Variants in DTNB observed in about 807,000 individuals in gnomAD.
DTNB encodes dystrobrevin beta.
In DTNB, 63 loss-of-function variants were observed where a neutral mutation model predicts 90.7. The ratio of observed to expected loss-of-function variants is 0.69; its 90% CI spans 0.57 to 0.86. The LOEUF (loss-of-function observed/expected upper bound fraction) is 0.86. Ranked by LOEUF, DTNB falls within the 40% of genes least tolerant of loss-of-function variation. The pLI, the probability that DTNB is intolerant of heterozygous loss-of-function variation, is 0.00. For synonymous variants in DTNB, 277 were observed against 286.7 expected, an observed-to-expected ratio of 0.97 and a Z score of 0.34; for missense variants, 744 against 807.1, an observed-to-expected ratio of 0.92 and a Z score of 0.95.
Position 25,388,132 on chromosome 2 carries a change from C to CT in DTNB, c.1735+69dup, listed in dbSNP as rs924827923. Reference sequence around the variant, plus strand: ...AGCACAAAACAGAAATGGAAAAAACCTCAGCAGGAATCTTGTCCGTGTTTG... The same window carrying CT: ...AGCACAAAACAGAAATGGAAAAAACCTTCAGCAGGAATCTTGTCCGTGTTTG... On this transcript the variant is annotated intron_variant, in intron 17 of 20. Coordinates refer to ENST00000406818, the MANE Select transcript of DTNB (RefSeq NM_021907.5). 3 of 1,532,456 alleles carry CT rather than the reference C, an allele frequency of 2.0e-6. No homozygotes were observed. In the Admixed American group the frequency reaches 6.0e-5, roughly 31 times the overall value. The allele number at this position is 1,532,456 out of a possible 1,614,324, so 94.9% of individuals were successfully genotyped here.
intron 16 of DTNB, among the ~76,000 whole-genome samples, chr2:25,400,952 C>A (rs767984119): frequency 1.3e-4 from 20 of 152,166 alleles, no homozygotes; most frequent in Non-Finnish European, 2.8e-4. Flanking sequence ...CCCTGAGAAC[C>A]CGAGAAAGCT....
chr2:25,425,285 A>G (rs769146357), intron 15 of DTNB, among the ~76,000 whole-genome samples: 14 of 152,152 alleles, frequency 9.2e-5, no homozygotes, highest in Non-Finnish European at 1.8e-4. Context: ...GGGGGAAAAA[A>G]CAACAACCAC....
At chr2:25,609,321 G>A (rs77328893) in intron 4 of DTNB, among the ~76,000 whole-genome samples, 56 of 152,258 alleles carry the variant, frequency 3.7e-4, no homozygotes, top group Middle Eastern at 3.4e-3. Flanking sequence ...CTGATGGGCC[G>A]GGTACAGTGG....
rs1260950597 is a variant in DTNB at position 25,628,191 on chromosome 2, A to G, written c.342T>C (p.Phe114=). The change falls in exon 4 of 21, where the codon TTT becomes TTC. Residue 114 remains phenylalanine, a synonymous_variant. Transcript: ENST00000406818. The stretch of plus-strand genomic sequence containing the variant: ...CTAGCCTGTCATATGCAGCAATCAT[A>G]AAGTTGAGGAGGAGGCTGATAGATT... ...VEQSISLLLN[F]MIAAYDSEGR... The G allele has an allele frequency of 1.9e-6, 3 of 1,613,956 alleles. No homozygotes were observed. Among genetic ancestry groups the G allele is most frequent in the East Asian group, 2.2e-5 (1 of 44,880 alleles).
chr2:25,628,173 G>C lies in DTNB; in HGVS notation c.360C>G (p.Asp120Glu), dbSNP rs760339710. 2 of 1,613,634 alleles carry C rather than the reference G, an allele frequency of 1.2e-6. No homozygotes were observed. Among genetic ancestry groups the C allele is most frequent in the Admixed American group, 3.3e-5 (2 of 59,994 alleles). The change falls in exon 4 of 21, where the codon GAC becomes GAG. Residue 120 changes from aspartate (D) to glutamate (E), a missense_variant and splice_region_variant. Asp to Glu is a conservative substitution (Grantham distance 45). Coordinates refer to ENST00000406818, the MANE Select transcript of DTNB (RefSeq NM_021907.5). ...GTGTAAGGTAAGGTACTACTAGCCT[G>C]TCATATGCAGCAATCATAAAGTTGA... is the stretch of plus-strand genomic sequence containing the variant. Reference protein sequence around the residue: ...LLLNFMIAAYDSEGRGKLTVF... With the variant: ...LLLNFMIAAYESEGRGKLTVF...
intron 8 of DTNB, among the ~76,000 whole-genome samples, chr2:25,540,376 A>C (rs1294978133): frequency 6.6e-6 from 1 of 152,188 alleles, no homozygotes; most frequent in African/African-American, 2.4e-5. Flanking sequence ...TCTTATTCCT[A>C]GTTATTTTAT....
chr2:25,495,403 A>G (rs1433477408), intron 9 of DTNB, among the ~76,000 whole-genome samples: 1 of 152,178 alleles, frequency 6.6e-6, no homozygotes, highest in Non-Finnish European at 1.5e-5. Context: ...CTCTTCAAAA[A>G]TTTGTGGTTA....
At position 25,424,937 on chromosome 2, in the gene DTNB, C is replaced by T. The variant is rs747019360; in HGVS notation, c.1554+2598G>A. Among the ~76,000 whole-genome samples, 3 of 152,166 alleles carry T rather than the reference C, an allele frequency of 2.0e-5. No individual in the cohort carries two copies. Among genetic ancestry groups the T allele is most frequent in the Admixed American group, 1.3e-4 (2 of 15,278 alleles). ...TTGGCCTCCCAAAGTGCTGGTATTACAGGTGTTAGCCACTGCGCCCGACTG... is the reference window on the plus strand; with the variant it reads ...TTGGCCTCCCAAAGTGCTGGTATTATAGGTGTTAGCCACTGCGCCCGACTG... On this transcript the variant is annotated intron_variant, in intron 15 of 20. Coordinates refer to ENST00000406818, the MANE Select transcript of DTNB (RefSeq NM_021907.5). The surrounding 1 kb of genome is among the most constrained non-coding windows in gnomAD (Gnocchi z 4.1).
chr2:25,538,318 T>C (rs1051420761), intron 8 of DTNB, among the ~76,000 whole-genome samples: 1 of 152,092 alleles, frequency 6.6e-6, no homozygotes, highest in African/African-American at 2.4e-5. Context: ...GGTGAGAGGA[T>C]CGCTTGAGTC....
intron 16 of DTNB, among the ~76,000 whole-genome samples, chr2:25,418,563 G>T (rs2048535338): frequency 6.6e-6 from 1 of 152,032 alleles, no homozygotes; most frequent in Non-Finnish European, 1.5e-5. Context: ...GCTGGGTGTG[G>T]TGGTGCGTGA....
chr2:25,410,625 G>C (rs948592298), intron 16 of DTNB, among the ~76,000 whole-genome samples: 1 of 152,134 alleles, frequency 6.6e-6, no homozygotes, highest in Admixed American at 6.6e-5. Flanking sequence ...AATTATATGA[G>C]GTATTCAAAC....
chr2:25,620,356 T>C (rs1242709130), intron 4 of DTNB, among the ~76,000 whole-genome samples: 1 of 152,294 alleles, frequency 6.6e-6, no homozygotes, highest in South Asian at 2.1e-4. Flanking sequence ...AACAGTGTCT[T>C]GATCAGATTA....
chr2:25,480,721 T>A (rs192065930), intron 10 of DTNB, among the ~76,000 whole-genome samples: 6 of 152,338 alleles, frequency 3.9e-5, no homozygotes, highest in African/African-American at 1.4e-4. Context: ...TGCTACTGAA[T>A]GAGATGGTAT....
chr2:25,470,429 G>C (rs181487648), intron 10 of DTNB, among the ~76,000 whole-genome samples: 2 of 146,974 alleles, frequency 1.4e-5, no homozygotes, highest in Non-Finnish European at 3.0e-5. Context: ...AGGCTGGAGT[G>C]CAGTGGTGTG....
chr2:25,382,375 C>G (rs995107077), intron 19 of DTNB, among the ~76,000 whole-genome samples: 1 of 152,132 alleles, frequency 6.6e-6, no homozygotes, highest in Non-Finnish European at 1.5e-5. Flanking sequence ...TAGGAGGAAT[C>G]CAGCAACTAA....
rs528288356 is a variant in DTNB at position 25,607,300 on chromosome 2, C to G, written c.384G>C (p.Thr128=). 4 of 1,605,068 alleles carry G rather than the reference C, an allele frequency of 2.5e-6. No individual in the cohort carries two copies. In the Admixed American group the frequency reaches 6.8e-5, roughly 27 times the overall value. ...AYDSEGRGKL[T]VFSVKAMLAT... ...CTAACATAGCTTTAACTGAAAATAC[C>G]GTCAACTTGCCTCGGCCCTCACTGC... The change falls in exon 5 of 21, where the codon ACG becomes ACC. Residue 128 remains threonine, a synonymous_variant. Transcript: ENST00000406818.
At chr2:25,604,718 T>C (rs566232099) in intron 5 of DTNB, among the ~76,000 whole-genome samples, 1 of 152,042 alleles carries the variant, frequency 6.6e-6, no homozygotes, top group African/African-American at 2.4e-5. Flanking sequence ...GCCTCCCGAG[T>C]AGCTGGGATT....
intron 3 of DTNB, among the ~76,000 whole-genome samples, chr2:25,628,590 C>T (rs541190631): frequency 6.6e-6 from 1 of 152,314 alleles, no homozygotes; most frequent in East Asian, 1.9e-4. Flanking sequence ...GGAAGGACTA[C>T]TTCCAGCCTT....
At chr2:25,422,252 C>A (rs2049957818) in intron 15 of DTNB, among the ~76,000 whole-genome samples, 1 of 152,114 alleles carries the variant, frequency 6.6e-6, no homozygotes, top group African/African-American at 2.4e-5. Context: ...TGAGGTCTGG[C>A]AAGGTGGCCA....
Sources: gnomAD v4.1 joint callset for allele counts (sites outside exome capture counted in the v4.1 genomes callset) on GRCh38, gnomAD v4.1.1 for gene constraint, Gnocchi (gnomAD v3.1) non-coding constraint, MANE v1.5 for transcripts, NCBI Gene and HGNC (gene_info 2026-07-23, HGNC 2026-07-21) for gene names.